Variants in MAP4K3 observed in about 807,000 individuals in gnomAD.
The protein encoded by MAP4K3 is mitogen-activated protein kinase kinase kinase kinase 3, also known as MAPK/ERK kinase kinase kinase 3.
A neutral mutation model predicts 143.5 loss-of-function variants in MAP4K3; 94 were observed. The observed-to-expected ratio is 0.65, with a 90% CI of 0.55 to 0.78. The LOEUF is 0.78. Among genes scored for constraint, MAP4K3 ranks in the 30% least tolerant of loss-of-function variants. The pLI, the probability that MAP4K3 is intolerant of heterozygous loss-of-function variation, is 0.00. For missense variants in MAP4K3, 1,077 were observed against 1,068.1 expected, an observed-to-expected ratio of 1.01 and a Z score of -0.12; for synonymous variants, 416 against 347.2, an observed-to-expected ratio of 1.20 and a Z score of -2.20.
chr2:39,362,361 T>G (rs1337716050), intron 2 of MAP4K3, among the ~76,000 whole-genome samples: 1 of 152,168 alleles, frequency 6.6e-6, no homozygotes, highest in African/African-American at 2.4e-5. Flanking sequence ...ACAAAAAAAC[T>G]GTTAGCACTA....
intron 21 of MAP4K3, among the ~76,000 whole-genome samples, chr2:39,285,412 ATTTAT>A (rs1681728924): frequency 6.6e-6 from 1 of 152,200 alleles, no homozygotes; most frequent in South Asian, 2.1e-4. Context: ...CTCAAAGGCT[ATTTAT>A]TTTATACTGT....
chr2:39,387,597 C>G (rs1666542562), intron 1 of MAP4K3, among the ~76,000 whole-genome samples: 2 of 152,198 alleles, frequency 1.3e-5, no homozygotes, highest in Admixed American at 1.3e-4. Flanking sequence ...GTGCCAGTGT[C>G]ACAGCATGCA....
intron 13 of MAP4K3, among the ~76,000 whole-genome samples, chr2:39,315,045 G>A (rs1386710912): frequency 6.6e-6 from 1 of 152,056 alleles, no homozygotes; most frequent in African/African-American, 2.4e-5. Context: ...GGCATTTACG[G>A]CACTGCCTTA....
chr2:39,328,556 C>G (rs570423425), intron 8 of MAP4K3, among the ~76,000 whole-genome samples: 2 of 152,086 alleles, frequency 1.3e-5, no homozygotes, highest in Non-Finnish European at 2.9e-5. Context: ...TTACCAGATG[C>G]TACGGATGGA....
At chr2:39,416,922 C>T (rs1201434383) in intron 1 of MAP4K3, among the ~76,000 whole-genome samples, 4 of 152,112 alleles carry the variant, frequency 2.6e-5, no homozygotes, top group African/African-American at 4.8e-5. Flanking sequence ...GCTCTCTGGG[C>T]CCCTCTATTT....
chr2:39,419,968 T>C (rs931415165), intron 1 of MAP4K3, among the ~76,000 whole-genome samples: 1 of 152,168 alleles, frequency 6.6e-6, no homozygotes, highest in Non-Finnish European at 1.5e-5. Context: ...GGTTTAGTAA[T>C]GACATATCCC....
At chr2:39,372,278 T>C (rs532933994) in intron 2 of MAP4K3, among the ~76,000 whole-genome samples, 23 of 151,560 alleles carry the variant, frequency 1.5e-4, no homozygotes, top group Admixed American at 3.9e-4. Context: ...ATGTAAGAAA[T>C]TGAAGAAGTC....
intron 33 of MAP4K3, 79 bp downstream of exon 33, chr2:39,251,751 C>T: frequency 8.4e-7 from 1 of 1,190,242 alleles, no homozygotes; most frequent in South Asian, 1.3e-5. Context: ...TTTCAATTCT[C>T]TTGAAAAAGA....
At position 39,276,786 on chromosome 2, in the gene MAP4K3, A is replaced by G. The variant is rs111392454; in HGVS notation, c.1794+1621T>C. Among the ~76,000 whole-genome samples, 198 of 152,360 alleles carry G rather than the reference A, an allele frequency of 1.3e-3. 3 individuals carry two copies. The highest frequency in any genetic ancestry group is 4.6e-3 in the African/African-American group (192 of 41,592). The stretch of plus-strand genomic sequence containing the variant: ...TATGTTCCTGACTCGTGGGTACTAA[A>G]TGATAAAAGCTCCCCCCACTCATTG... On this transcript the variant is annotated intron_variant, in intron 24 of 33. Coordinates refer to ENST00000263881, the MANE Select transcript of MAP4K3 (RefSeq NM_003618.4).
At chr2:39,261,511 G>C (rs1346085151) in intron 28 of MAP4K3, among the ~76,000 whole-genome samples, 1 of 152,186 alleles carries the variant, frequency 6.6e-6, no homozygotes, top group South Asian at 2.1e-4. Flanking sequence ...AGAGGAGTAA[G>C]CAAATGCTCA....
intron 1 of MAP4K3, among the ~76,000 whole-genome samples, chr2:39,426,078 C>T (rs915740654): frequency 6.6e-6 from 1 of 152,126 alleles, no homozygotes; most frequent in Non-Finnish European, 1.5e-5. Flanking sequence ...ACTTGGCACA[C>T]CCACCTTAAC....
intron 2 of MAP4K3, among the ~76,000 whole-genome samples, chr2:39,360,997 A>G (rs1458601508): frequency 6.6e-6 from 1 of 152,170 alleles, no homozygotes; most frequent in African/African-American, 2.4e-5. Flanking sequence ...CTGTCACATT[A>G]AGTCCATACT....
Position 39,326,185 on chromosome 2 carries a change from G to C in MAP4K3, c.623C>G (p.Ala208Gly), listed in dbSNP as rs1019634525. The stretch of plus-strand genomic sequence containing the variant: ...GTCAAACATAGGAGGCTGAAGCTCT[G>C]CAAGTTCTATGGCAGTGATTCCCAC... ...WAVGITAIEL[A>G]ELQPPMFDLH... is the part of the protein sequence containing the mutation. Residue 208 changes from alanine (A) to glycine (G), a missense_variant, in exon 9 of 34, where the codon GCA becomes GGA. Physicochemically the swap from Ala to Gly is moderately conservative, Grantham distance 60. Coordinates refer to ENST00000263881, the MANE Select transcript of MAP4K3 (RefSeq NM_003618.4). The C allele has an allele frequency of 2.5e-6, 4 of 1,613,926 alleles. No homozygotes were observed. Among genetic ancestry groups the C allele is most frequent in the Non-Finnish European group, 3.4e-6 (4 of 1,179,918 alleles).
intron 4 of MAP4K3, among the ~76,000 whole-genome samples, chr2:39,341,095 TA>T (rs772802014): frequency 1.3e-5 from 2 of 151,720 alleles, no homozygotes; most frequent in Non-Finnish European, 2.9e-5. Context: ...GCAGAAAAAG[TA>T]AAAATAAACC....
chr2:39,334,256 T>TTTGGAAGAGATAG (rs1330572367), intron 6 of MAP4K3, among the ~76,000 whole-genome samples: 1 of 152,194 alleles, frequency 6.6e-6, no homozygotes, highest in Non-Finnish European at 1.5e-5. Flanking sequence ...GACTTCATCT[T>TTTGGAAGAGATAG]CAATAAGCTC....
intron 2 of MAP4K3, among the ~76,000 whole-genome samples, chr2:39,359,513 C>G (rs1368829616): frequency 1.3e-5 from 2 of 152,240 alleles, no homozygotes; most frequent in Non-Finnish European, 2.9e-5. Flanking sequence ...AGGACAGTGA[C>G]CACCTTCTCA....
At chr2:39,362,860 C>T (rs944519516) in intron 2 of MAP4K3, among the ~76,000 whole-genome samples, 3 of 152,036 alleles carry the variant, frequency 2.0e-5, no homozygotes, top group Non-Finnish European at 4.4e-5. Flanking sequence ...TATAGACCAA[C>T]GGAATAGAGA....
chr2:39,318,729 A>C (rs1683200830), intron 12 of MAP4K3, among the ~76,000 whole-genome samples: 1 of 152,170 alleles, frequency 6.6e-6, no homozygotes, highest in Admixed American at 6.5e-5. Flanking sequence ...TTGATAAAAA[A>C]CAAAACCCTG....
intron 14 of MAP4K3, 63 bp downstream of exon 14, chr2:39,309,398 T>A: frequency 3.8e-6 from 5 of 1,301,208 alleles, no homozygotes; most frequent in Non-Finnish European, 5.4e-6. Context: ...TACTAATACA[T>A]CACACAAAAA....
Sources: gnomAD v4.1 joint callset for allele counts (sites outside exome capture counted in the v4.1 genomes callset) on GRCh38, gnomAD v4.1.1 for gene constraint, MANE v1.5 for transcripts, NCBI Gene and HGNC (gene_info 2026-07-23, HGNC 2026-07-21) for gene names.